Variants in MLLT3 observed in about 807,000 individuals in gnomAD.
MLLT3 encodes the protein MLLT3 super elongation complex subunit.
MLLT3 carries 4 observed loss-of-function variants against 53.2 expected under a neutral mutation model. That is an observed-to-expected ratio of 0.08 (90% CI 0.04 to 0.17). The LOEUF is 0.17. Among genes scored for constraint, MLLT3 ranks in the 10% least tolerant of loss-of-function variants. MLLT3 has a pLI of 1.00. For synonymous variants in MLLT3, 283 were observed against 230.6 expected (o/e 1.23, Z -2.06); for missense variants, 569 against 684.0 (o/e 0.83, Z 1.87).
chr9:20,410,115 A>T (rs13298060), intron 5 of MLLT3, among the ~76,000 whole-genome samples: 2 of 152,144 alleles, frequency 1.3e-5, no homozygotes, highest in Admixed American at 6.5e-5. Flanking sequence ...AAGACCATAC[A>T]CCTTGTGACG....
Position 20,620,576 on chromosome 9 carries a change from G to T in MLLT3, c.193+78C>A, listed in dbSNP as rs2073855. The T allele has an allele frequency of 5.8e-3, 7,645 of 1,327,990 alleles. 353 individuals carry two copies. The African/African-American group carries it at 0.098, about 17-fold the overall frequency. 82.3% of individuals were successfully genotyped at this position (1,327,990 alleles called of 1,614,324 possible). On this transcript the variant is annotated intron_variant, in intron 2 of 10. Transcript: ENST00000380338. The surrounding 1 kb of genome is among the most constrained non-coding windows in gnomAD (Gnocchi z 6.1). ...GAGCGCGGCGCGGGGGGCGGGGAGC[G>T]GGACAGCGGGACCGCCCGGGCCAAG...
Position 20,619,085 on chromosome 9 carries a change from C to T in MLLT3, c.193+1569G>A, listed in dbSNP as rs182820064. 5.3e-5 allele frequency among the ~76,000 whole-genome samples: 8 copies of T among 152,174 alleles called. No homozygotes were observed. In the East Asian group the frequency reaches 9.6e-4, roughly 18 times the overall value. ...CACATGGAAAGGGAGAGAGAGAATC[C>T]GAGAAGCAGCATATCAACCTCATCA... On this transcript the variant is annotated intron_variant, in intron 2 of 10. Coordinates refer to ENST00000380338, the MANE Select transcript of MLLT3 (RefSeq NM_004529.4).
chr9:20,356,065 C>A (rs949007875), intron 8 of MLLT3, among the ~76,000 whole-genome samples: 2 of 152,098 alleles, frequency 1.3e-5, no homozygotes, highest in African/African-American at 4.8e-5. Context: ...AAGATAAGAC[C>A]CAGATTCCCA....
chr9:20,362,706 C>CTTTTTTTTTTT (rs989895694), intron 7 of MLLT3: 87 of 99,634 alleles, frequency 8.7e-4, no homozygotes, highest in African/African-American at 2.8e-3. Context: ...GTTAAGACCG[C>CTTTTTTTTTTT]TTTTTTTTTT....
intron 5 of MLLT3, chr9:20,411,291 A>G (rs902332023): frequency 1.3e-5 from 2 of 153,420 alleles, no homozygotes; most frequent in African/African-American, 4.8e-5. Context: ...GACAGTCCAA[A>G]CAAAGCCTGT....
chr9:20,349,750 A>G (rs554336805), intron 10 of MLLT3, among the ~76,000 whole-genome samples: 2 of 152,228 alleles, frequency 1.3e-5, no homozygotes, highest in African/African-American at 2.4e-5. Flanking sequence ...GCAGATCTCC[A>G]GTACTTCCAT....
chr9:20,455,980 C>T (rs1823958271), intron 3 of MLLT3, among the ~76,000 whole-genome samples: 1 of 150,122 alleles, frequency 6.7e-6, no homozygotes, highest in African/African-American at 2.5e-5. Flanking sequence ...ACTCTGTCAC[C>T]CAGGCTGGAA....
chr9:20,621,805 C>T lies in MLLT3; in HGVS notation c.12+440G>A, dbSNP rs975136120. 1.4e-6 allele frequency: 2 copies of T among 1,444,444 alleles called. No individual in the cohort carries two copies. The highest frequency in any genetic ancestry group is 1.5e-5 in the African/African-American group (1 of 66,588). The allele number at this position is 1,444,444 out of a possible 1,614,324, so 89.5% of individuals were successfully genotyped here. A position where few individuals can be genotyped will look rare whatever the true frequency, so the allele number is the denominator to read the frequency against. On this transcript the variant is annotated intron_variant, in intron 1 of 10. Transcript: ENST00000380338. This position sits in a 1 kb window ranked among gnomAD's most constrained non-coding sequence, Gnocchi z 7.0. ...GCGGCCGCGGCGCTTTGCGGAGGTGCGGCCGCCGAGGCTGCTCGCCGCGTC... is the reference window on the plus strand; with the variant it reads ...GCGGCCGCGGCGCTTTGCGGAGGTGTGGCCGCCGAGGCTGCTCGCCGCGTC...
intron 4 of MLLT3, among the ~76,000 whole-genome samples, chr9:20,416,039 A>C (rs1822862897): frequency 6.6e-6 from 1 of 152,006 alleles, no homozygotes. Context: ...AAAACATCAT[A>C]ATCTGAGATT....
rs934608138 is a variant in MLLT3 at position 20,350,366 on chromosome 9, C to T, written c.1575+3159G>A. Among the ~76,000 whole-genome samples, 9 of 152,186 alleles carry T rather than the reference C, an allele frequency of 5.9e-5. No homozygotes were observed. The East Asian group carries it at 7.8e-4, about 13-fold the overall frequency. ...ATCCCAGCACTTTGGGAGGCCAAGG[C>T]GGGCGGATCACGAGGTCAGGAGATC... On this transcript the variant is annotated intron_variant, in intron 10 of 10. Transcript: ENST00000380338.
At chr9:20,538,030 G>T (rs1274796924) in intron 2 of MLLT3, among the ~76,000 whole-genome samples, 3 of 152,138 alleles carry the variant, frequency 2.0e-5, no homozygotes, top group Admixed American at 6.5e-5. Context: ...CCACTGACTT[G>T]AGAAGATAAA....
intron 3 of MLLT3, among the ~76,000 whole-genome samples, chr9:20,455,631 TAAA>T (rs1204517423): frequency 6.6e-6 from 1 of 151,800 alleles, no homozygotes; most frequent in African/African-American, 2.4e-5. Context: ...CGTAGTTCCT[TAAA>T]AGAAAAAAAA....
chr9:20,499,069 C>A (rs983955533), intron 2 of MLLT3, among the ~76,000 whole-genome samples: 7 of 152,146 alleles, frequency 4.6e-5, no homozygotes, highest in Admixed American at 1.3e-4. Flanking sequence ...AGGTTGCTGG[C>A]AATCTTTGAA....
At chr9:20,602,934 T>C (rs1820467335) in intron 2 of MLLT3, among the ~76,000 whole-genome samples, 2 of 152,160 alleles carry the variant, frequency 1.3e-5, no homozygotes, top group Non-Finnish European at 2.9e-5. Context: ...TATCATAATA[T>C]GCCATAATTC....
chr9:20,491,232 G>T (rs773161095), intron 2 of MLLT3, among the ~76,000 whole-genome samples: 30 of 152,008 alleles, frequency 2.0e-4, no homozygotes, highest in Middle Eastern at 3.4e-3. Flanking sequence ...TCAATCAAAG[G>T]CTACGTTTTA....
chr9:20,385,304 C>A (rs1047511578), intron 5 of MLLT3, among the ~76,000 whole-genome samples: 2 of 151,986 alleles, frequency 1.3e-5, no homozygotes, highest in Non-Finnish European at 2.9e-5. Flanking sequence ...GAAGGGGCTA[C>A]GGAAAGATAA....
chr9:20,622,115 C>A (rs1243306306), intron 1 of MLLT3, 130 bp downstream of exon 1: 2 of 1,100,070 alleles, frequency 1.8e-6, no homozygotes, highest in Non-Finnish European at 2.5e-6. Flanking sequence ...GAGGCGGCAG[C>A]TCCCTGCAAG....
Position 20,414,052 on chromosome 9 carries a change from G to T in MLLT3, c.794C>A (p.Pro265Gln). ...GGTGATGGTGAGTAAGTTACTATCT[G>T]GTTTTGGCTCTTTTGACATGGGTTT... ...EPKPMSKEPK[P>Q]DSNLLTITSG... The change falls in exon 5 of 11, where the codon CCA becomes CAA. Residue 265 changes from proline to glutamine, a missense_variant. Physicochemically the swap from Pro to Gln is moderately conservative, Grantham distance 76. Transcript: ENST00000380338. 6.2e-7 allele frequency: 1 copy of T among 1,614,064 alleles called. No individual in the cohort carries two copies. Among genetic ancestry groups the T allele is most frequent in the African/African-American group, 1.3e-5 (1 of 75,008 alleles).
intron 2 of MLLT3, among the ~76,000 whole-genome samples, chr9:20,552,043 A>C (rs1022450118): frequency 3.3e-5 from 5 of 152,200 alleles, no homozygotes; most frequent in African/African-American, 1.2e-4. Flanking sequence ...ATGACTGTAA[A>C]GTTTATGGAT....
Sources: gnomAD v4.1 joint callset for allele counts (sites outside exome capture counted in the v4.1 genomes callset) on GRCh38, gnomAD v4.1.1 for gene constraint, Gnocchi (gnomAD v3.1) non-coding constraint, MANE v1.5 for transcripts, NCBI Gene and HGNC (gene_info 2026-07-23, HGNC 2026-07-21) for gene names.